The following FBN1 variants were observed in gnomAD, a reference collection of about 807,000 sequenced individuals.
FBN1 encodes the protein fibrillin-1.
Under a neutral mutation model 365.1 loss-of-function variants are expected in FBN1, and 29 were observed. The observed-to-expected ratio is 0.08, with a 90% CI of 0.06 to 0.11. FBN1 has a LOEUF of 0.11. Among genes scored for constraint, FBN1 ranks in the 10% least tolerant of loss-of-function variants. The probability of loss-of-function intolerance (pLI) is 1.00; values close to 1 mark genes in which losing one functional copy is unlikely to be tolerated. For missense variants in FBN1, 2,476 were observed against 3,703.2 expected, an observed-to-expected ratio of 0.67 and a Z score of 8.60; for synonymous variants, 1,210 against 1,270.5, an observed-to-expected ratio of 0.95 and a Z score of 1.01.
intron 2 of FBN1, among the ~76,000 whole-genome samples, chr15:48,633,142 C>G (rs990740792): frequency 1.3e-5 from 2 of 152,156 alleles, no homozygotes; most frequent in African/African-American, 4.8e-5. Flanking sequence ...AAGCCCAAGA[C>G]AGGGTGTTCA....
rs1333375998 is a variant in FBN1, at chr15:48,644,092, G to A, written c.164+514C>T. Reference sequence around the variant, plus strand: ...CTTCCAATGTAGACATCTAAAGGAAGCATTGCCCAGAAAACCCAATCCGTA... The same window carrying A: ...CTTCCAATGTAGACATCTAAAGGAAACATTGCCCAGAAAACCCAATCCGTA... On this transcript the variant is annotated intron_variant, in intron 2 of 65. Coordinates refer to ENST00000316623, the MANE Select transcript of FBN1 (RefSeq NM_000138.5). 1.9e-5 allele frequency: 3 copies of A among 162,008 alleles called. No homozygotes were observed. In the East Asian group the frequency reaches 5.2e-4, roughly 28 times the overall value. 10.0% of individuals were successfully genotyped at this position (162,008 alleles called of 1,614,324 possible).
chr15:48,502,870 CT>C (rs1243621043), intron 17 of FBN1, among the ~76,000 whole-genome samples: 8 of 152,136 alleles, frequency 5.3e-5, no homozygotes, highest in Non-Finnish European at 1.5e-5. Flanking sequence ...ACTAAATCCC[CT>C]GATTAAGTAA....
chr15:48,411,020 C>T lies in FBN1; in HGVS notation c.8586G>A (p.Leu2862=), dbSNP rs2042856515. The T allele has an allele frequency of 6.2e-7, 1 of 1,613,792 alleles. No homozygotes were observed. The highest frequency in any genetic ancestry group is 8.5e-7 in the Non-Finnish European group (1 of 1,179,962). Residue 2862 remains leucine (L), a synonymous_variant, in exon 66 of 66, where the codon CTG becomes CTA. Transcript: ENST00000316623. Reference sequence around the variant, plus strand: ...GAAGCAAAACCTGGATTTTCATCTTCAGATTATCACCCAGTTCACCACTGA... The same window carrying T: ...GAAGCAAAACCTGGATTTTCATCTTTAGATTATCACCCAGTTCACCACTGA... The part of the protein sequence containing the change: ...DYLSGELGDN[L]KMKIQVLLH
intron 29 of FBN1, among the ~76,000 whole-genome samples, chr15:48,486,012 G>C (rs2043503646): frequency 6.6e-6 from 1 of 152,200 alleles, no homozygotes; most frequent in South Asian, 2.1e-4. Flanking sequence ...ATATGCTAGA[G>C]ATGAGACTCT....
intron 6 of FBN1, among the ~76,000 whole-genome samples, chr15:48,564,505 GA>G (rs1480021140): frequency 1.9e-5 from 2 of 105,628 alleles, no homozygotes; most frequent in African/African-American, 2.0e-4. Flanking sequence ...AGTGATTCAG[GA>G]CTTTTTTTTT....
At chr15:48,421,039 T>C (rs1033708959) in intron 62 of FBN1, among the ~76,000 whole-genome samples, 2 of 151,828 alleles carry the variant, frequency 1.3e-5, no homozygotes, top group Non-Finnish European at 2.9e-5. Context: ...CCCAAAGCAC[T>C]CTCTGGGACA....
At position 48,489,889 on chromosome 15, in the gene FBN1, G is replaced by A; in HGVS notation, c.3044C>T (p.Ala1015Val). Residue 1015 changes from alanine to valine, a missense_variant, in exon 25 of 66, where the codon GCC (alanine) becomes GTC (valine). Physicochemically the swap from Ala to Val is moderately conservative, Grantham distance 64. Coordinates refer to ENST00000316623, the MANE Select transcript of FBN1 (RefSeq NM_000138.5). ...EELCPRGPGF[A>V]TKEITNGKPF... ...CTTTCCATTTGTAATTTCTTTTGTG[G>A]CAAATCCGGGTCCTCTCGGACACAG... The A allele has an allele frequency of 6.2e-7, 1 of 1,614,136 alleles. No individual in the cohort carries two copies. Among genetic ancestry groups the A allele is most frequent in the Non-Finnish European group, 8.5e-7 (1 of 1,180,026 alleles).
At chr15:48,489,815 G>T in intron 25 of FBN1, 36 bp downstream of exon 25, 1 of 1,530,492 alleles carries the variant, frequency 6.5e-7, no homozygotes, top group South Asian at 1.1e-5. Flanking sequence ...TGTCTAAAAA[G>T]GGAGGCAATT....
chr15:48,437,663 A>G, intron 51 of FBN1, 105 bp downstream of exon 51: 1 of 1,205,506 alleles, frequency 8.3e-7, no homozygotes, highest in East Asian at 2.5e-5. Flanking sequence ...TAGACTTACA[A>G]TTAAATTAAA....
chr15:48,614,198 A>G (rs1889605363), intron 2 of FBN1, among the ~76,000 whole-genome samples: 1 of 152,206 alleles, frequency 6.6e-6, no homozygotes, highest in South Asian at 2.1e-4. Flanking sequence ...TGAGGGCCTA[A>G]GCATTGATGC....
At chr15:48,570,794 A>C (rs1475391310) in intron 6 of FBN1, among the ~76,000 whole-genome samples, 1 of 152,194 alleles carries the variant, frequency 6.6e-6, no homozygotes, top group Non-Finnish European at 1.5e-5. Context: ...CTAAGGAGAG[A>C]GAGCTGGTGT....
chr15:48,593,647 T>G (rs1345692609), intron 6 of FBN1, among the ~76,000 whole-genome samples: 1 of 152,212 alleles, frequency 6.6e-6, no homozygotes. Flanking sequence ...TTTTTGATGC[T>G]ATTAAATGAA....
chr15:48,461,505 C>A (rs547058588), intron 42 of FBN1, among the ~76,000 whole-genome samples: 2 of 151,984 alleles, frequency 1.3e-5, no homozygotes, highest in African/African-American at 4.8e-5. Flanking sequence ...TAGAACAGCT[C>A]AGAAAAATAA....
intron 8 of FBN1, among the ~76,000 whole-genome samples, chr15:48,527,725 C>A (rs1004782219): frequency 1.3e-5 from 2 of 152,326 alleles, no homozygotes; most frequent in Admixed American, 6.5e-5. Flanking sequence ...AAACCAAAAT[C>A]ACCATTCTTC....
intron 6 of FBN1, among the ~76,000 whole-genome samples, chr15:48,595,330 C>G (rs1307239459): frequency 6.6e-6 from 1 of 152,138 alleles, no homozygotes; most frequent in Non-Finnish European, 1.5e-5. Flanking sequence ...AATAAGATGT[C>G]TATACAACTT....
intron 8 of FBN1, among the ~76,000 whole-genome samples, chr15:48,530,388 G>C (rs1413134776): frequency 1.3e-5 from 2 of 152,186 alleles, no homozygotes; most frequent in South Asian, 4.1e-4. Context: ...GAACTGGAAA[G>C]AACCCCCACA....
chr15:48,488,266 C>G (rs1240241160), intron 26 of FBN1, 25 bp from the exon 27 acceptor site: 1 of 1,614,198 alleles, frequency 6.2e-7, no homozygotes. Context: ...CAAGTGGCAG[C>G]AAATGAGTCT....
chr15:48,637,624 A>G (rs1341970190), intron 2 of FBN1, among the ~76,000 whole-genome samples: 1 of 152,190 alleles, frequency 6.6e-6, no homozygotes, highest in Admixed American at 6.5e-5. Flanking sequence ...TACTTACTCC[A>G]AGCTCTAGTC....
At chr15:48,617,520 G>A (rs1889681282) in intron 2 of FBN1, among the ~76,000 whole-genome samples, 1 of 152,146 alleles carries the variant, frequency 6.6e-6, no homozygotes, top group Admixed American at 6.5e-5. Flanking sequence ...AGGGGAAAGA[G>A]GGAAAATACA....
Sources: gnomAD v4.1 joint callset for allele counts (sites outside exome capture counted in the v4.1 genomes callset) on GRCh38, gnomAD v4.1.1 for gene constraint, MANE v1.5 for transcripts, NCBI Gene and HGNC (gene_info 2026-07-23, HGNC 2026-07-21) for gene names.